CNTN5: variants seen among roughly 807,000 people sequenced by gnomAD.
The protein encoded by CNTN5 is contactin 5.
Under a neutral mutation model 129.1 loss-of-function variants are expected in CNTN5, and 77 were observed. The ratio of observed to expected loss-of-function variants is 0.60; its 90% CI spans 0.50 to 0.72. The LOEUF is 0.72. Ranked by LOEUF, CNTN5 falls within the 30% of genes least tolerant of loss-of-function variation. The probability of loss-of-function intolerance (pLI) is 0.00; values close to 1 mark genes in which losing one functional copy is unlikely to be tolerated. For missense variants in CNTN5, 1,478 were observed against 1,328.8 expected (o/e 1.11, Z -1.75); for synonymous variants, 509 against 465.6 (o/e 1.09, Z -1.20).
intron 8 of CNTN5, among the ~76,000 whole-genome samples, chr11:99,984,764 T>G (rs1189274289): frequency 1.3e-5 from 2 of 152,326 alleles, no homozygotes; most frequent in Non-Finnish European, 2.9e-5. Flanking sequence ...CATGGAATGT[T>G]GCATGCATAA....
chr11:99,051,900 A>G (rs567553469), intron 1 of CNTN5, among the ~76,000 whole-genome samples: 2 of 151,906 alleles, frequency 1.3e-5, no homozygotes, highest in Admixed American at 6.6e-5. Flanking sequence ...GGGAAACAAT[A>G]TATTATCACT....
intron 24 of CNTN5, among the ~76,000 whole-genome samples, chr11:100,355,131 A>T (rs1952493188): frequency 6.6e-6 from 1 of 151,824 alleles, no homozygotes; most frequent in Non-Finnish European, 1.5e-5. Context: ...CACTTAAAAC[A>T]TACATAATAC....
chr11:99,385,977 C>G (rs973351838), intron 2 of CNTN5, among the ~76,000 whole-genome samples: 11 of 152,144 alleles, frequency 7.2e-5, no homozygotes, highest in Non-Finnish European at 1.5e-4. Flanking sequence ...AATTTATGAC[C>G]TGGAGTCCTC....
intron 4 of CNTN5, among the ~76,000 whole-genome samples, chr11:99,834,537 A>G (rs59331776): frequency 0.021 from 3,226 of 152,192 alleles, 115 homozygotes; most frequent in African/African-American, 0.071. Flanking sequence ...AGACCAAACC[A>G]CAATTTTACA....
chr11:99,437,075 G>C (rs185559480), intron 2 of CNTN5, among the ~76,000 whole-genome samples: 48 of 152,246 alleles, frequency 3.2e-4, no homozygotes, highest in African/African-American at 1.1e-3. Context: ...GTTCAAAAGT[G>C]AGCCCTGATT....
chr11:99,079,234 A>G (rs1021541464), intron 1 of CNTN5, among the ~76,000 whole-genome samples: 1 of 152,156 alleles, frequency 6.6e-6, no homozygotes, highest in African/African-American at 2.4e-5. Flanking sequence ...GATATGAAAG[A>G]CAGGATTCTA....
chr11:100,073,475 A>T (rs1944010166), intron 12 of CNTN5, among the ~76,000 whole-genome samples: 1 of 151,594 alleles, frequency 6.6e-6, no homozygotes, highest in African/African-American at 2.4e-5. Context: ...ATATAATATC[A>T]GATTGGTAAA....
chr11:100,128,003 G>T (rs1313619388), intron 13 of CNTN5, among the ~76,000 whole-genome samples: 1 of 151,952 alleles, frequency 6.6e-6, no homozygotes, highest in South Asian at 2.1e-4. Context: ...TGGCTACTCT[G>T]AGTCCTACAC....
intron 1 of CNTN5, among the ~76,000 whole-genome samples, chr11:99,316,915 G>T (rs571094421): frequency 2.3e-4 from 35 of 152,196 alleles, no homozygotes; most frequent in African/African-American, 8.2e-4. Flanking sequence ...GGTGTTACTC[G>T]ACTGACAGTA....
At chr11:99,231,468 T>TC (rs1186607347) in intron 1 of CNTN5, among the ~76,000 whole-genome samples, 4 of 152,198 alleles carry the variant, frequency 2.6e-5, no homozygotes, top group Admixed American at 2.6e-4. Flanking sequence ...TGTCTGTCCG[T>TC]GTCCTTTGCC....
intron 3 of CNTN5, among the ~76,000 whole-genome samples, chr11:99,624,926 G>T (rs1951076096): frequency 6.6e-6 from 1 of 152,164 alleles, no homozygotes; most frequent in South Asian, 2.1e-4. Flanking sequence ...ACCCTTGCCT[G>T]CTAGTGCTGA....
At chr11:100,287,149 T>A (rs1455917388) in intron 18 of CNTN5, among the ~76,000 whole-genome samples, 23 of 152,050 alleles carry the variant, frequency 1.5e-4, no homozygotes, top group South Asian at 4.2e-4. Context: ...CCTGAAAGTG[T>A]TGGGGAGAAT....
chr11:100,255,703 C>A (rs965386511), intron 16 of CNTN5, 57 bp from the exon 17 acceptor site: 8 of 1,466,244 alleles, frequency 5.5e-6, no homozygotes, highest in African/African-American at 1.4e-5. Flanking sequence ...AATATAATTT[C>A]TCATGGCTCC....
chr11:99,280,242 A>G lies in CNTN5; in HGVS notation c.-209-45104A>G, dbSNP rs368979407. On this transcript the variant is annotated intron_variant, in intron 1 of 24. Coordinates refer to ENST00000524871, the MANE Select transcript of CNTN5 (RefSeq NM_014361.4). ...TTGGGATGAAGAAGATGTACCCTCC[A>G]AAACAAAGGAATAAATGGAATTTTG... Among the ~76,000 whole-genome samples, 5 of 151,896 alleles carry G rather than the reference A, an allele frequency of 3.3e-5. No individual in the cohort carries two copies. In the East Asian group the frequency reaches 7.8e-4, roughly 24 times the overall value.
At chr11:100,314,178 C>T (rs541129367) in intron 21 of CNTN5, among the ~76,000 whole-genome samples, 1 of 152,204 alleles carries the variant, frequency 6.6e-6, no homozygotes, top group South Asian at 2.1e-4. Context: ...GTCAGGACAC[C>T]AACAGGTTTT....
chr11:99,306,639 C>A (rs1565478602), intron 1 of CNTN5, among the ~76,000 whole-genome samples: 1 of 151,542 alleles, frequency 6.6e-6, no homozygotes, highest in African/African-American at 2.4e-5. Context: ...GAGGCTGAGG[C>A]AGGAGAATGG....
At chr11:99,103,333 A>C (rs1380675873) in intron 1 of CNTN5, among the ~76,000 whole-genome samples, 2 of 152,214 alleles carry the variant, frequency 1.3e-5, no homozygotes, top group Non-Finnish European at 2.9e-5. Context: ...CTAGCACAGC[A>C]CCAAGGTGGT....
chr11:99,164,474 A>G (rs1860780403), intron 1 of CNTN5, among the ~76,000 whole-genome samples: 1 of 152,182 alleles, frequency 6.6e-6, no homozygotes, highest in Non-Finnish European at 1.5e-5. Flanking sequence ...ATAAACTGTA[A>G]TATTTATGAA....
At chr11:99,690,530 G>A (rs1485663270) in intron 3 of CNTN5, among the ~76,000 whole-genome samples, 1 of 152,066 alleles carries the variant, frequency 6.6e-6, no homozygotes, top group African/African-American at 2.4e-5. Context: ...AGTTTAATGA[G>A]AATAGCATTT....
Sources: gnomAD v4.1 joint callset for allele counts (sites outside exome capture counted in the v4.1 genomes callset) on GRCh38, gnomAD v4.1.1 for gene constraint, MANE v1.5 for transcripts, NCBI Gene and HGNC (gene_info 2026-07-23, HGNC 2026-07-21) for gene names.